Variants in SEMA3E observed in about 807,000 individuals in gnomAD.
The protein encoded by SEMA3E is semaphorin 3E.
SEMA3E carries 49 observed loss-of-function variants against 93.6 expected under a neutral mutation model. The ratio of observed to expected loss-of-function variants is 0.52; its 90% CI spans 0.42 to 0.66. The LOEUF (loss-of-function observed/expected upper bound fraction) is 0.66, where lower values mean the gene tolerates loss of function less well. SEMA3E is among the 30% of genes least tolerant of loss of function. The pLI, the probability that SEMA3E is intolerant of heterozygous loss-of-function variation, is 0.00. For missense variants in SEMA3E, 906 were observed against 964.8 expected (o/e 0.94, Z 0.81); for synonymous variants, 363 against 330.7 (o/e 1.10, Z -1.06).
At chr7:83,597,476 C>T (rs545232236) in intron 1 of SEMA3E, among the ~76,000 whole-genome samples, 2 of 152,248 alleles carry the variant, frequency 1.3e-5, no homozygotes, top group South Asian at 2.1e-4. Flanking sequence ...TATTAGCACT[C>T]GGTTCTTTAT....
chr7:83,434,736 C>T (rs538486050), intron 4 of SEMA3E, among the ~76,000 whole-genome samples: 2 of 122,706 alleles, frequency 1.6e-5, no homozygotes, highest in African/African-American at 3.1e-5. Context: ...TTTTTTGAGA[C>T]GGAGTCTCGC....
chr7:83,548,225 C>T (rs1791689128), intron 1 of SEMA3E, among the ~76,000 whole-genome samples: 2 of 152,168 alleles, frequency 1.3e-5, no homozygotes, highest in South Asian at 4.2e-4. Flanking sequence ...ACTTCTGACA[C>T]CCACATTGAT....
At chr7:83,613,243 C>T (rs750832401) in intron 1 of SEMA3E, among the ~76,000 whole-genome samples, 1 of 152,008 alleles carries the variant, frequency 6.6e-6, no homozygotes, top group African/African-American at 2.4e-5. Flanking sequence ...TTTAACCCAT[C>T]CTGCCTTTCT....
At chr7:83,539,756 G>C (rs972198979) in intron 1 of SEMA3E, among the ~76,000 whole-genome samples, 3 of 152,074 alleles carry the variant, frequency 2.0e-5, no homozygotes, top group African/African-American at 7.2e-5. Context: ...GAGTTTTGGA[G>C]AAAATGTGAA....
chr7:83,451,411 A>T (rs780548487), intron 4 of SEMA3E, among the ~76,000 whole-genome samples: 27 of 152,200 alleles, frequency 1.8e-4, no homozygotes, highest in Non-Finnish European at 3.4e-4. Flanking sequence ...GAAATTTTTT[A>T]ATTTAGACTT....
Position 83,400,159 on chromosome 7 carries a change from T to A in SEMA3E, c.1235A>T (p.Tyr412Phe). 6.2e-7 allele frequency: 1 copy of A among 1,614,054 alleles called. No homozygotes were observed. The highest frequency in any genetic ancestry group is 8.5e-7 in the Non-Finnish European group (1 of 1,179,984). The change falls in exon 11 of 17, where the codon TAC becomes TTC. Residue 412 changes from tyrosine to phenylalanine, a missense_variant. Tyr to Phe is a conservative substitution (Grantham distance 22). Transcript: ENST00000643230. ...IRFARSHPLMYQAIKPAHKKP... is the reference protein window; with the variant it reads ...IRFARSHPLMFQAIKPAHKKP... ...TTTATGGGCAGGTTTTATGGCCTGGTACATTAGTGGATGACTTCTTGCAAA... is the reference window on the plus strand; with the variant it reads ...TTTATGGGCAGGTTTTATGGCCTGGAACATTAGTGGATGACTTCTTGCAAA...
Position 83,387,728 on chromosome 7 carries a change from T to C in SEMA3E, c.1668-678A>G, listed in dbSNP as rs547657772. ...AATCTGCCTCGTATAATTAGAGTCA[T>C]TTCTAGTATTGTTTTAATTTCATAG... On this transcript the variant is annotated intron_variant, in intron 14 of 16. Coordinates refer to ENST00000643230, the MANE Select transcript of SEMA3E (RefSeq NM_012431.3). Among the ~76,000 whole-genome samples the C allele has an allele frequency of 7.9e-5, 12 of 150,986 alleles. No individual in the cohort carries two copies. The South Asian group carries it at 2.3e-3, about 29-fold the overall frequency.
chr7:83,551,437 A>C (rs1470579993), intron 1 of SEMA3E, among the ~76,000 whole-genome samples: 4 of 152,140 alleles, frequency 2.6e-5, no homozygotes, highest in Admixed American at 1.3e-4. Flanking sequence ...GCAAAATCAA[A>C]CTATTTAAGA....
intron 1 of SEMA3E, among the ~76,000 whole-genome samples, chr7:83,537,341 C>T (rs1791427464): frequency 6.6e-6 from 1 of 152,172 alleles, no homozygotes; most frequent in African/African-American, 2.4e-5. Flanking sequence ...CTACATATTG[C>T]AGCTTTCTTC....
intron 16 of SEMA3E, among the ~76,000 whole-genome samples, chr7:83,374,698 A>G (rs1227152134): frequency 6.6e-6 from 1 of 152,158 alleles, no homozygotes; most frequent in Admixed American, 6.6e-5. Flanking sequence ...AATATAATAC[A>G]TTTACTTTTA....
rs573708389 is a variant in SEMA3E at position 83,499,435 on chromosome 7, G to T, written c.116-9161C>A. Among the ~76,000 whole-genome samples the T allele has an allele frequency of 2.0e-5, 3 of 152,212 alleles. No homozygotes were observed. In the South Asian group the frequency reaches 6.2e-4, roughly 32 times the overall value. ...TAATTTGATGGAGAAAATATAGTTT[G>T]AATTTCTCTTATTATAAGGTGAGGT... On this transcript the variant is annotated intron_variant, in intron 1 of 16. Transcript: ENST00000643230.
intron 1 of SEMA3E, among the ~76,000 whole-genome samples, chr7:83,552,474 C>G (rs566691347): frequency 1.3e-5 from 2 of 152,056 alleles, no homozygotes; most frequent in South Asian, 4.1e-4. Context: ...TTTTAGGGAA[C>G]AAGAGAAGAT....
At chr7:83,496,286 C>T (rs887287691) in intron 1 of SEMA3E, among the ~76,000 whole-genome samples, 12 of 151,858 alleles carry the variant, frequency 7.9e-5, no homozygotes, top group African/African-American at 2.9e-4. Flanking sequence ...AATTAAAAGT[C>T]TAGTCTATTA....
chr7:83,490,448 T>G (rs1046827781), intron 1 of SEMA3E, among the ~76,000 whole-genome samples, 174 bp from the exon 2 acceptor site: 3 of 152,060 alleles, frequency 2.0e-5, no homozygotes, highest in Non-Finnish European at 4.4e-5. Context: ...ATTTCATAAA[T>G]TTATGAATCT....
intron 1 of SEMA3E, among the ~76,000 whole-genome samples, chr7:83,540,517 A>C (rs1791510816): frequency 6.6e-6 from 1 of 152,204 alleles, no homozygotes; most frequent in African/African-American, 2.4e-5. Context: ...TACCTATTCT[A>C]AATAGATCAC....
intron 4 of SEMA3E, among the ~76,000 whole-genome samples, chr7:83,430,794 T>A (rs986205979): frequency 4.6e-5 from 7 of 152,132 alleles, no homozygotes; most frequent in African/African-American, 1.7e-4. Context: ...TGTATACCTA[T>A]GTAGCAAACC....
intron 1 of SEMA3E, among the ~76,000 whole-genome samples, chr7:83,578,732 C>G (rs1792459184): frequency 6.6e-6 from 1 of 152,106 alleles, no homozygotes; most frequent in African/African-American, 2.4e-5. Context: ...AACAAACTCC[C>G]TCTCTTAGTA....
At chr7:83,466,740 AAG>A in intron 3 of SEMA3E, 139 bp from the exon 4 acceptor site, 1 of 1,013,344 alleles carries the variant, frequency 9.9e-7, no homozygotes, top group South Asian at 1.4e-5. Flanking sequence ...AGAGGGGTAG[AAG>A]AAAAGAGGAC....
intron 4 of SEMA3E, among the ~76,000 whole-genome samples, chr7:83,419,005 G>A (rs1308474511): frequency 6.6e-6 from 1 of 152,076 alleles, no homozygotes; most frequent in Admixed American, 6.6e-5. Flanking sequence ...CAGGTAGTGA[G>A]CATAGTGTCC....
Sources: allele counts gnomAD v4.1 joint callset (sites outside exome capture counted in the v4.1 genomes callset), GRCh38; gene constraint gnomAD v4.1.1; transcripts MANE v1.5; gene names NCBI Gene and HGNC (gene_info 2026-07-23, HGNC 2026-07-21).